ZNF827: variants seen among roughly 807,000 people sequenced by gnomAD.
ZNF827 encodes the protein zinc finger protein 827.
ZNF827 carries 13 observed loss-of-function variants against 102.4 expected under a neutral mutation model. The observed-to-expected ratio is 0.13, with a 90% confidence interval of 0.08 to 0.20. The LOEUF (loss-of-function observed/expected upper bound fraction) is 0.20, where lower values mean the gene tolerates loss of function less well. Ranked by LOEUF, ZNF827 falls within the 10% of genes least tolerant of loss-of-function variation. The pLI, the probability that ZNF827 is intolerant of heterozygous loss-of-function variation, is 1.00. For missense variants in ZNF827, 1,103 were observed against 1,344.4 expected, an observed-to-expected ratio of 0.82 and a Z score of 2.81; for synonymous variants, 523 against 536.2, an observed-to-expected ratio of 0.98 and a Z score of 0.34.
At chr4:145,779,300 A>G in intron 9 of ZNF827, 74 bp downstream of exon 9, 3 of 1,536,662 alleles carry the variant, frequency 2.0e-6, no homozygotes, top group Non-Finnish European at 2.6e-6. Flanking sequence ...CTCTTAGAGA[A>G]ACTCAGTTTC....
chr4:145,889,621 T>C (rs1579487303), intron 3 of ZNF827, among the ~76,000 whole-genome samples: 1 of 150,096 alleles, frequency 6.7e-6, no homozygotes, highest in African/African-American at 2.5e-5. Flanking sequence ...TGGTGCGATC[T>C]CGGCTCACTG....
chr4:145,814,973 T>A (rs914791246), intron 8 of ZNF827, among the ~76,000 whole-genome samples: 10 of 151,828 alleles, frequency 6.6e-5, no homozygotes, highest in African/African-American at 2.4e-4. Flanking sequence ...ACCCAAAAAT[T>A]GCACCCAAAT....
chr4:145,765,852 G>A lies in ZNF827; in HGVS notation c.2861-114C>T, dbSNP rs1735206722. ...ATGCATCATCATTCTGGGGGCACAG[G>A]CTCATGTCCCCAGCTCCCCCACTGC... On this transcript the variant is annotated intron_variant, in intron 11 of 14. Coordinates refer to ENST00000508784, the MANE Select transcript of ZNF827 (RefSeq NM_001306215.2). The surrounding 1 kb of genome is among the most constrained non-coding windows in gnomAD (Gnocchi z 4.7). 1.8e-6 allele frequency: 2 copies of A among 1,083,314 alleles called. No individual in the cohort carries two copies. Among genetic ancestry groups the A allele is most frequent in the Non-Finnish European group, 2.6e-6 (2 of 770,254 alleles). 67.1% of individuals were successfully genotyped at this position (1,083,314 alleles called of 1,614,324 possible). A position where few individuals can be genotyped will look rare whatever the true frequency, so the allele number is the denominator to read the frequency against.
In ZNF827 at chr4:145,850,416, CTGGAGG is replaced by C. The variant is rs1316206540; in HGVS notation, c.1982-861_1982-856del. ...ATTCAACGGAGACATTTGCACCTTGCTGGAGGTGTATGGAAGACCACGCAGGAAGTT... is the reference window on the plus strand; with the variant it reads ...ATTCAACGGAGACATTTGCACCTTGCTGTATGGAAGACCACGCAGGAAGTT... On this transcript the variant is annotated intron_variant, in intron 5 of 14. Coordinates refer to ENST00000508784, the MANE Select transcript of ZNF827 (RefSeq NM_001306215.2). 2.0e-5 allele frequency among the ~76,000 whole-genome samples: 3 copies of C among 152,178 alleles called. No individual in the cohort carries two copies. In the East Asian group the frequency reaches 5.8e-4, roughly 29 times the overall value.
chr4:145,937,850 G>A (rs1194129206), intron 1 of ZNF827, among the ~76,000 whole-genome samples: 2 of 149,322 alleles, frequency 1.3e-5, no homozygotes, highest in Non-Finnish European at 3.0e-5. Context: ...GCTGCTGCGC[G>A]CCCTCTCCCC....
At position 145,903,019 on chromosome 4, in the gene ZNF827, C is replaced by T. The variant is rs140060948; in HGVS notation, c.240G>A (p.Thr80=). 253 of 1,614,164 alleles carry T rather than the reference C, an allele frequency of 1.6e-4. No homozygotes were observed. In the African/African-American group the frequency reaches 2.5e-3, roughly 16 times the overall value. Residue 80 remains threonine, a synonymous_variant, in exon 2 of 15, where the codon ACG becomes ACA. Transcript: ENST00000508784. The part of the protein sequence containing the change: ...SLGSTTPSSH[T]LELVALDSEV... ...CACTGTCCAGTGCCACCAGCTCCAA[C>T]GTGTGGCTGCTGGGAGTCGTGCTTC...
chr4:145,921,746 C>T (rs1418540052), intron 1 of ZNF827, among the ~76,000 whole-genome samples: 2 of 152,062 alleles, frequency 1.3e-5, no homozygotes, highest in African/African-American at 2.4e-5. Context: ...GACACGAAGA[C>T]CAGAAATACT....
At chr4:145,840,843 T>C (rs1273849947) in intron 7 of ZNF827, among the ~76,000 whole-genome samples, 1 of 152,246 alleles carries the variant, frequency 6.6e-6, no homozygotes, top group Non-Finnish European at 1.5e-5. Flanking sequence ...AATTTTACAT[T>C]GGATGATTCC....
chr4:145,852,102 G>C (rs1174183056), intron 5 of ZNF827, among the ~76,000 whole-genome samples: 1 of 152,170 alleles, frequency 6.6e-6, no homozygotes, highest in Non-Finnish European at 1.5e-5. Context: ...GGAAGTCATT[G>C]TAAGGCCTGG....
At chr4:145,862,994 A>C (rs1405116783) in intron 5 of ZNF827, among the ~76,000 whole-genome samples, 1 of 152,238 alleles carries the variant, frequency 6.6e-6, no homozygotes, top group Non-Finnish European at 1.5e-5. Flanking sequence ...TGCAAATCAT[A>C]TATCTGAGAA....
intron 8 of ZNF827, among the ~76,000 whole-genome samples, chr4:145,782,156 C>T (rs560768405): frequency 4.6e-5 from 7 of 152,346 alleles, no homozygotes; most frequent in African/African-American, 1.7e-4. Context: ...CTCTCCCCAC[C>T]TCATGTTTGC....
rs759594001 is a variant in ZNF827, at chr4:145,775,904, G to A, written c.2578C>T (p.Leu860=). The A allele has an allele frequency of 1.2e-6, 2 of 1,614,190 alleles. No homozygotes were observed. Among genetic ancestry groups the A allele is most frequent in the South Asian group, 2.2e-5 (2 of 91,074 alleles). Residue 860 remains leucine, a synonymous_variant, in exon 10 of 15, where the codon CTG becomes TTG. Transcript: ENST00000508784. ...CPYAAKCRAN[L]NQHLTVHSVK... ...GAATGGACGGTCAAGTGCTGGTTCA[G>A]ATTTGCACGGCACTTAGCAGCATAG... is the stretch of plus-strand genomic sequence containing the variant.
chr4:145,848,737 C>T (rs939141177), intron 6 of ZNF827, among the ~76,000 whole-genome samples: 17 of 152,104 alleles, frequency 1.1e-4, no homozygotes, highest in Admixed American at 1.3e-4. Flanking sequence ...ATCCAGACAC[C>T]TCACTGAGCT....
chr4:145,884,599 T>C (rs992464597), intron 4 of ZNF827, among the ~76,000 whole-genome samples: 2 of 152,046 alleles, frequency 1.3e-5, no homozygotes, highest in Non-Finnish European at 2.9e-5. Flanking sequence ...AAAAGCGTAA[T>C]GAGTAGCTGC....
intron 7 of ZNF827, among the ~76,000 whole-genome samples, chr4:145,834,696 G>A (rs1319714295): frequency 6.6e-5 from 10 of 152,030 alleles, no homozygotes; most frequent in Non-Finnish European, 1.3e-4. Flanking sequence ...TTCATGACTC[G>A]TTTGGCAGCA....
In ZNF827 at chr4:145,763,089, C is replaced by T. The variant is rs1457169568; in HGVS notation, c.*17+1G>A. The T allele has an allele frequency of 6.5e-7, 1 of 1,535,896 alleles. No individual in the cohort carries two copies. Among genetic ancestry groups the T allele is most frequent in the Non-Finnish European group, 8.7e-7 (1 of 1,146,834 alleles). ...AACCCCTACGCCAAGCTGGGCCTTA[C>T]CTAGAGGAGTCTGAAACTCACCACT... On this transcript the variant is annotated splice_donor_variant, in intron 14 of 14. Coordinates refer to ENST00000508784, the MANE Select transcript of ZNF827 (RefSeq NM_001306215.2). LOFTEE classifies it low-confidence loss of function (3UTR_SPLICE). The surrounding 1 kb of genome is among the most constrained non-coding windows in gnomAD (Gnocchi z 4.6).
At chr4:145,884,282 A>G (rs1227189719) in intron 4 of ZNF827, among the ~76,000 whole-genome samples, 39 of 152,078 alleles carry the variant, frequency 2.6e-4, no homozygotes, top group Admixed American at 2.6e-3. Context: ...AGGAGCAAAG[A>G]TCTGTGGTAA....
chr4:145,925,692 T>C (rs990813902), intron 1 of ZNF827, among the ~76,000 whole-genome samples: 2 of 152,194 alleles, frequency 1.3e-5, no homozygotes, highest in Non-Finnish European at 2.9e-5. Context: ...CAATTCAGTA[T>C]AGTGAAAGAC....
At chr4:145,789,233 A>G (rs1450885158) in intron 8 of ZNF827, among the ~76,000 whole-genome samples, 1 of 152,122 alleles carries the variant, frequency 6.6e-6, no homozygotes, top group East Asian at 1.9e-4. Flanking sequence ...CTATTTCTGA[A>G]TTCTTTATTA....
Sources: gnomAD v4.1 joint callset for allele counts (sites outside exome capture counted in the v4.1 genomes callset) on GRCh38, gnomAD v4.1.1 for gene constraint, Gnocchi (gnomAD v3.1) non-coding constraint, MANE v1.5 for transcripts, NCBI Gene and HGNC (gene_info 2026-07-23, HGNC 2026-07-21) for gene names.